The following RP1 variants were observed in gnomAD, a reference collection of about 807,000 sequenced individuals.
RP1 encodes RP1 axonemal microtubule associated, also known as oxygen-regulated protein 1.
A neutral mutation model predicts 14.8 loss-of-function variants in RP1; 16 were observed. That is an observed-to-expected ratio of 1.08 (90% CI 0.73 to 1.65). The LOEUF is 1.65. Among genes scored for constraint, RP1 ranks in the 40% most tolerant of loss-of-function variants. The pLI is 0.00. For missense variants in RP1, 2,631 were observed against 2,535.0 expected (o/e 1.04, Z -0.81); for synonymous variants, 876 against 883.6 (o/e 0.99, Z 0.15).
chr8:54,630,846 G>A, downstream of RP1: 1 of 993,494 alleles, frequency 1.0e-6, no homozygotes, highest in Non-Finnish European at 1.2e-6. Context: ...TGCCAAATAT[G>A]TTGAGTCCAG....
At chr8:54,738,849 AC>A in intron 18 of RP1, 2 of 703,760 alleles carry the variant, frequency 2.8e-6, no homozygotes, top group Non-Finnish European at 4.4e-6. Flanking sequence ...ACTATTAGGA[AC>A]AAAAAATGCA....
chr8:54,709,484 AG>A (rs1389534110), intron 15 of RP1, among the ~76,000 whole-genome samples: 2 of 152,148 alleles, frequency 1.3e-5, no homozygotes, highest in Non-Finnish European at 2.9e-5. Context: ...TTCAAACCCA[AG>A]TATCACTTCT....
At chr8:54,854,202 A>G (rs1206120189) in intron 26 of RP1, among the ~76,000 whole-genome samples, 1 of 152,194 alleles carries the variant, frequency 6.6e-6, no homozygotes, top group East Asian at 1.9e-4. Context: ...CACCTAAAAT[A>G]ATGTTGAAGA....
At chr8:54,848,967 T>C (rs1297085824) in intron 25 of RP1, among the ~76,000 whole-genome samples, 1 of 152,190 alleles carries the variant, frequency 6.6e-6, no homozygotes, top group Non-Finnish European at 1.5e-5. Context: ...CAGGCTGGTC[T>C]TGAACGCCTG....
chr8:54,595,252 C>T (rs1402877636), intron 1 of RP1, among the ~76,000 whole-genome samples: 1 of 151,882 alleles, frequency 6.6e-6, no homozygotes, highest in Non-Finnish European at 1.5e-5. Context: ...GCCTCAGCCT[C>T]CCGAGTAGCT....
chr8:54,671,230 G>A (rs938470052), intron 7 of RP1, among the ~76,000 whole-genome samples: 1 of 151,980 alleles, frequency 6.6e-6, no homozygotes, highest in Non-Finnish European at 1.5e-5. Flanking sequence ...CTTCATATAT[G>A]ATGAGTTGCC....
intron 9 of RP1, among the ~76,000 whole-genome samples, chr8:54,679,138 C>T (rs771884901): frequency 7.9e-5 from 12 of 152,246 alleles, no homozygotes; most frequent in Admixed American, 2.0e-4. Context: ...ATAACATCTA[C>T]GACTTTGACA....
chr8:54,626,461 C>T lies in RP1; in HGVS notation c.2579C>T (p.Thr860Ile). 1 of 1,613,622 alleles carries T rather than the reference C, an allele frequency of 6.2e-7. No homozygotes were observed. Among genetic ancestry groups the T allele is most frequent in the Admixed American group, 1.7e-5 (1 of 59,960 alleles). The change falls in exon 4 of 4, where the codon ACT becomes ATT. Residue 860 changes from threonine (T) to isoleucine (I), a missense_variant. Coordinates refer to ENST00000220676, the MANE Select transcript of RP1 (RefSeq NM_006269.2). ...AAGAAGAGTTTAGTTTCAAAAGTTA[C>T]TGATTCACACATAACTTTAAAAAGC... ...MAKKSLVSKV[T>I]DSHITLKSQK...
rs34357204 is a variant in RP1 at position 54,834,675 on chromosome 8, G to GTT, written c.3616-2765_3616-2764dup. Among the ~76,000 whole-genome samples the GTT allele has an allele frequency of 5.6e-3, 821 of 146,750 alleles. 7 individuals are homozygous for GTT. Among genetic ancestry groups the GTT allele is most frequent in the African/African-American group, 0.019 (753 of 40,202 alleles). ...ATAACAAATTGTCTATGCTTTGGGAGTTTTTTTTTTTCCTGTGGTGTTGCT... is the reference window on the plus strand; with the variant it reads ...ATAACAAATTGTCTATGCTTTGGGAGTTTTTTTTTTTTTCCTGTGGTGTTGCT... On this transcript the variant is annotated intron_variant, in intron 24 of 28. Transcript: ENST00000637698.
intron 1 of RP1, among the ~76,000 whole-genome samples, chr8:54,597,909 A>G (rs1805184782): frequency 6.6e-6 from 1 of 152,034 alleles, no homozygotes; most frequent in Non-Finnish European, 1.5e-5. Flanking sequence ...ATATAGTTCC[A>G]TGTCATTTTA....
intron 1 of RP1, among the ~76,000 whole-genome samples, chr8:54,617,159 A>G (rs971672229): frequency 6.6e-6 from 1 of 152,186 alleles, no homozygotes; most frequent in Non-Finnish European, 1.5e-5. Flanking sequence ...CTTGCTACAT[A>G]TAAGGAAGTC....
upstream of RP1, among the ~76,000 whole-genome samples, chr8:54,613,418 A>G (rs952856491): frequency 1.3e-5 from 2 of 152,190 alleles, no homozygotes; most frequent in East Asian, 1.9e-4. Context: ...CTCCACAACA[A>G]TTCTGTACTA....
At chr8:54,693,135 A>T (rs191431154) in intron 12 of RP1, among the ~76,000 whole-genome samples, 4 of 151,932 alleles carry the variant, frequency 2.6e-5, no homozygotes, top group East Asian at 3.9e-4. Context: ...TGTAGATATG[A>T]GGCATTATTT....
intron 17 of RP1, among the ~76,000 whole-genome samples, chr8:54,730,856 A>G (rs1808778321): frequency 6.6e-6 from 1 of 152,102 alleles, no homozygotes; most frequent in Non-Finnish European, 1.5e-5. Context: ...GTAGAAATAG[A>G]TTTCATCTAT....
chr8:54,587,128 T>C (rs1804949095), intron 1 of RP1, among the ~76,000 whole-genome samples: 1 of 152,218 alleles, frequency 6.6e-6, no homozygotes, highest in Non-Finnish European at 1.5e-5. Flanking sequence ...TATTCGGCCA[T>C]CTTGTCTCCA....
intron 23 of RP1, among the ~76,000 whole-genome samples, chr8:54,779,429 C>T (rs946281813): frequency 1.3e-5 from 2 of 152,210 alleles, no homozygotes; most frequent in Non-Finnish European, 2.9e-5. Flanking sequence ...TCACATGCAT[C>T]TTCTCTGCAT....
At chr8:54,744,105 A>G (rs1437261177) in intron 19 of RP1, among the ~76,000 whole-genome samples, 5 of 152,196 alleles carry the variant, frequency 3.3e-5, no homozygotes, top group Non-Finnish European at 1.5e-5. Flanking sequence ...TTTCAGGTAA[A>G]ATCTATTAAC....
At chr8:54,653,167 T>C (rs1270883146) in intron 5 of RP1, among the ~76,000 whole-genome samples, 2 of 152,210 alleles carry the variant, frequency 1.3e-5, no homozygotes, top group Non-Finnish European at 2.9e-5. Context: ...ACTAGCTGTA[T>C]GTTATTTGCT....
chr8:54,750,366 T>A (rs1809330063), intron 19 of RP1, among the ~76,000 whole-genome samples: 1 of 152,198 alleles, frequency 6.6e-6, no homozygotes, highest in Admixed American at 6.5e-5. Flanking sequence ...AATTCCCATA[T>A]TACATAGCTA....
Sources: gnomAD v4.1 joint callset for allele counts (sites outside exome capture counted in the v4.1 genomes callset) on GRCh38, gnomAD v4.1.1 for gene constraint, MANE v1.5 for transcripts, NCBI Gene and HGNC (gene_info 2026-07-23, HGNC 2026-07-21) for gene names.